Variants in DLG2 observed in about 807,000 individuals in gnomAD.
DLG2 encodes the protein discs large MAGUK scaffold protein 2.
A neutral mutation model predicts 132.5 loss-of-function variants in DLG2; 45 were observed. That is an observed-to-expected ratio of 0.34 (90% CI 0.27 to 0.44). The LOEUF (loss-of-function observed/expected upper bound fraction) is 0.44. Ranked by LOEUF, DLG2 falls within the 20% of genes least tolerant of loss-of-function variation. DLG2 has a pLI of 1.00. For synonymous variants in DLG2, 424 were observed against 419.6 expected, an observed-to-expected ratio of 1.01 and a Z score of -0.13; for missense variants, 1,045 against 1,196.9, an observed-to-expected ratio of 0.87 and a Z score of 1.87.
At chr11:84,361,513 T>C (rs754603567) in intron 7 of DLG2, among the ~76,000 whole-genome samples, 1 of 151,912 alleles carries the variant, frequency 6.6e-6, no homozygotes, top group Non-Finnish European at 1.5e-5. Context: ...TCTTATAATA[T>C]TCATTGCCAG....
At chr11:84,053,284 G>A (rs185780188) in intron 11 of DLG2, among the ~76,000 whole-genome samples, 69 of 152,104 alleles carry the variant, frequency 4.5e-4, no homozygotes, top group South Asian at 1.0e-3. Context: ...AGGAGGAAGG[G>A]AGAGCATCAG....
intron 6 of DLG2, among the ~76,000 whole-genome samples, chr11:84,957,723 C>A (rs758827924): frequency 6.6e-6 from 1 of 152,206 alleles, no homozygotes; most frequent in Non-Finnish European, 1.5e-5. Flanking sequence ...AATTGGCGTT[C>A]TCTACCTCAG....
intron 11 of DLG2, among the ~76,000 whole-genome samples, chr11:84,055,139 AG>A (rs1368496732): frequency 6.6e-6 from 1 of 152,006 alleles, no homozygotes; most frequent in Non-Finnish European, 1.5e-5. Flanking sequence ...GACACATCAG[AG>A]GTTCCCTCTG....
chr11:85,590,649 C>A (rs55691259), intron 3 of DLG2, among the ~76,000 whole-genome samples: 13,094 of 150,342 alleles, frequency 0.087, 701 homozygotes, highest in Non-Finnish European at 0.096. Context: ...CTCTCTCTCT[C>A]TCTATATATA....
At chr11:83,977,439 C>T (rs1358444384) in intron 12 of DLG2, among the ~76,000 whole-genome samples, 2 of 152,068 alleles carry the variant, frequency 1.3e-5, no homozygotes, top group Non-Finnish European at 2.9e-5. Context: ...AAGTACACTA[C>T]TGTATTCCTA....
chr11:84,416,340 A>G (rs1049961410), intron 7 of DLG2, among the ~76,000 whole-genome samples: 18 of 152,196 alleles, frequency 1.2e-4, no homozygotes, highest in African/African-American at 4.1e-4. Context: ...GTGTTTCCAG[A>G]GATGTGTGCT....
chr11:85,603,705 C>A (rs775567988), intron 2 of DLG2, among the ~76,000 whole-genome samples: 1 of 151,902 alleles, frequency 6.6e-6, no homozygotes, highest in Non-Finnish European at 1.5e-5. Context: ...GGCTTGAGAC[C>A]GGGAGTTCGA....
At chr11:85,135,878 C>T (rs186932197) in intron 5 of DLG2, among the ~76,000 whole-genome samples, 1 of 152,266 alleles carries the variant, frequency 6.6e-6, no homozygotes, top group African/African-American at 2.4e-5. Context: ...TAATACCGTA[C>T]AGAAAGCATT....
At chr11:84,252,905 G>GGAGATAACA (rs1421114957) in intron 7 of DLG2, among the ~76,000 whole-genome samples, 1 of 152,088 alleles carries the variant, frequency 6.6e-6, no homozygotes, top group East Asian at 1.9e-4. Flanking sequence ...TGTGCCCTCT[G>GGAGATAACA]GAGTTAACAG....
At chr11:84,581,476 T>C (rs2099516115) in intron 6 of DLG2, among the ~76,000 whole-genome samples, 2 of 152,148 alleles carry the variant, frequency 1.3e-5, no homozygotes, top group African/African-American at 4.8e-5. Flanking sequence ...TTTAAAGAAA[T>C]TGTTGGGCAC....
chr11:85,021,606 G>A, intron 6 of DLG2: 2 of 1,383,438 alleles, frequency 1.4e-6, no homozygotes, highest in South Asian at 1.2e-5. Flanking sequence ...TGAACACACG[G>A]GAGTTCATGG....
At chr11:84,908,396 G>A (rs2154075907) in intron 6 of DLG2, among the ~76,000 whole-genome samples, 1 of 152,186 alleles carries the variant, frequency 6.6e-6, no homozygotes, top group South Asian at 2.1e-4. Flanking sequence ...AATACCTCAA[G>A]TGCTCAACAG....
At chr11:85,110,785 TAG>T (rs2072600012) in intron 6 of DLG2, among the ~76,000 whole-genome samples, 2 of 152,072 alleles carry the variant, frequency 1.3e-5, no homozygotes, top group Non-Finnish European at 2.9e-5. Context: ...ACCTCAACAA[TAG>T]ATAAAGATAT....
chr11:84,845,481 G>C (rs1042435477), intron 6 of DLG2, among the ~76,000 whole-genome samples: 1 of 151,888 alleles, frequency 6.6e-6, no homozygotes, highest in African/African-American at 2.4e-5. Context: ...ATATATCACT[G>C]AACAACTTTT....
At chr11:83,558,195 T>C (rs1201916831) in intron 19 of DLG2, among the ~76,000 whole-genome samples, 4 of 152,232 alleles carry the variant, frequency 2.6e-5, no homozygotes, top group Non-Finnish European at 2.9e-5. Context: ...TTCTTTGCTG[T>C]TCTGTCTCTT....
At chr11:85,400,299 T>C (rs1266436630) in intron 3 of DLG2, among the ~76,000 whole-genome samples, 5 of 143,986 alleles carry the variant, frequency 3.5e-5, no homozygotes, top group South Asian at 2.3e-4. Context: ...CTGGAGAGGA[T>C]GTGGAGAAAT....
intron 10 of DLG2, among the ~76,000 whole-genome samples, chr11:84,060,167 G>T (rs1476339254): frequency 1.3e-5 from 2 of 151,976 alleles, no homozygotes; most frequent in African/African-American, 4.8e-5. Flanking sequence ...ACAAAAATTA[G>T]CTGGGCATGG....
At chr11:83,499,268 C>T (rs1449021310) in intron 21 of DLG2, among the ~76,000 whole-genome samples, 1 of 152,084 alleles carries the variant, frequency 6.6e-6, no homozygotes, top group African/African-American at 2.4e-5. Flanking sequence ...AGACTACAAA[C>T]CAAGGTGTCT....
chr11:83,688,292 T>G (rs2080195721), intron 18 of DLG2, among the ~76,000 whole-genome samples: 2 of 152,222 alleles, frequency 1.3e-5, no homozygotes, highest in African/African-American at 2.4e-5. Context: ...CTTGAGTTGC[T>G]TTTGACTTGA....
Sources: allele counts gnomAD v4.1 joint callset (sites outside exome capture counted in the v4.1 genomes callset), GRCh38; gene constraint gnomAD v4.1.1; transcripts MANE v1.5; gene names NCBI Gene and HGNC (gene_info 2026-07-23, HGNC 2026-07-21).